The following ENO4 variants were observed in gnomAD, a reference collection of about 807,000 sequenced individuals.
ENO4 encodes enolase 4, also known as 2-phospho-D-glycerate hydro-lyase.
ENO4 carries 53 observed loss-of-function variants against 63.2 expected under a neutral mutation model. The observed-to-expected ratio is 0.84, with a 90% CI of 0.67 to 1.05. The LOEUF (loss-of-function observed/expected upper bound fraction) is 1.05, where lower values mean the gene tolerates loss of function less well. Ranked by LOEUF, ENO4 falls within the 50% of genes least tolerant of loss-of-function variation. The pLI is 0.00. For synonymous variants in ENO4, 266 were observed against 283.8 expected (o/e 0.94, Z 0.63); for missense variants, 719 against 772.0 (o/e 0.93, Z 0.81).
chr10:116,874,129 G>T lies in ENO4; in HGVS notation c.1269G>T (p.Met423Ile). 6.5e-7 allele frequency: 1 copy of T among 1,549,690 alleles called. No homozygotes were observed. The change falls in exon 10 of 14, where the codon ATG (methionine) becomes ATT (isoleucine). Residue 423 changes from methionine (M) to isoleucine (I), a missense_variant. Coordinates refer to ENST00000341276, the MANE Select transcript of ENO4 (RefSeq NM_001242699.2). ...IMGTYKNAAE[M>I]VDLYVDLINK... ...GCACATACAAAAATGCAGCGGAGAT[G>T]GTTGACCTGTATGTGGATCTGATCA... is the stretch of plus-strand genomic sequence containing the variant.
downstream of ENO4, among the ~76,000 whole-genome samples, chr10:116,887,132 A>C (rs1213419551): frequency 6.6e-6 from 1 of 152,222 alleles, no homozygotes; most frequent in Non-Finnish European, 1.5e-5. Flanking sequence ...GGTAGGACCA[A>C]GGGCGGAGAG....
chr10:116,901,944 T>C (rs1388852490), intron 10 of ENO4: 3 of 1,599,992 alleles, frequency 1.9e-6, no homozygotes, highest in Middle Eastern at 1.7e-4. Context: ...AGGTGGCTAA[T>C]ATCCCAGTTG....
At chr10:116,890,164 AATTT>A (rs1196765806) in intron 10 of ENO4, among the ~76,000 whole-genome samples, 2 of 2,398 alleles carry the variant, frequency 8.3e-4, no homozygotes, top group Non-Finnish European at 4.2e-3. Context: ...CATTCTGTTC[AATTT>A]TTTTTTCTAC....
chr10:116,853,632 T>C (rs1846159420), intron 1 of ENO4, among the ~76,000 whole-genome samples: 1 of 152,220 alleles, frequency 6.6e-6, no homozygotes, highest in Non-Finnish European at 1.5e-5. Context: ...CGGCACATTA[T>C]AGGTGCTTGG....
At chr10:116,868,766 CTTTTTATCTTCCA>C in intron 8 of ENO4, 60 bp downstream of exon 8, 1 of 1,420,882 alleles carries the variant, frequency 7.0e-7, no homozygotes, top group African/African-American at 1.4e-5. Flanking sequence ...TTTCCTGCCC[CTTTTTATCTTCCA>C]TAGTCACTTT....
rs959650048 is a variant in ENO4, at chr10:116,871,400, GTTTT to G, written c.1215+112_1215+115del. 3.3e-5 allele frequency: 33 copies of G among 1,015,272 alleles called. No individual in the cohort carries two copies. In the South Asian group the frequency reaches 3.5e-4, roughly 11 times the overall value. The allele number at this position is 1,015,272 out of a possible 1,614,324, so 62.9% of individuals were successfully genotyped here. On this transcript the variant is annotated intron_variant, in intron 9 of 13. Coordinates refer to ENST00000341276, the MANE Select transcript of ENO4 (RefSeq NM_001242699.2). Reference sequence around the variant, plus strand: ...GAATATTGTCCAAACAGATCTTATTGTTTTTTTATTAATATTGTGTGAAGGATCC... The same window carrying G: ...GAATATTGTCCAAACAGATCTTATTGTTTATTAATATTGTGTGAAGGATCC...
intron 1 of ENO4, among the ~76,000 whole-genome samples, chr10:116,853,843 A>G (rs2133243504): frequency 6.6e-6 from 1 of 152,354 alleles, no homozygotes; most frequent in East Asian, 1.9e-4. Flanking sequence ...TGTGGGTATT[A>G]GATGACCTGT....
chr10:116,859,804 T>C (rs1846361888), intron 4 of ENO4, among the ~76,000 whole-genome samples: 1 of 152,074 alleles, frequency 6.6e-6, no homozygotes. Flanking sequence ...TACACCCAAA[T>C]AATGTGGGTT....
At chr10:116,900,414 A>G in intron 10 of ENO4, 1 of 836,782 alleles carries the variant, frequency 1.2e-6, no homozygotes, top group Middle Eastern at 2.2e-4. Context: ...TTCAACACAT[A>G]TTTTGCAGAC....
intron 10 of ENO4, among the ~76,000 whole-genome samples, chr10:116,907,385 A>C (rs1215852742): frequency 1.3e-5 from 2 of 152,206 alleles, no homozygotes; most frequent in African/African-American, 4.8e-5. Flanking sequence ...CTAACACAGG[A>C]GACAGTTAAT....
At chr10:116,891,522 T>C (rs1847342457) in intron 10 of ENO4, among the ~76,000 whole-genome samples, 1 of 152,228 alleles carries the variant, frequency 6.6e-6, no homozygotes, top group South Asian at 2.1e-4. Flanking sequence ...ACAGAAAGAT[T>C]TAAATTTGTC....
intron 4 of ENO4, 113 bp downstream of exon 4, chr10:116,859,251 C>A: frequency 8.1e-7 from 1 of 1,236,592 alleles, no homozygotes; most frequent in Non-Finnish European, 1.1e-6. Flanking sequence ...TTTGGGCTCA[C>A]GGCTAAAAGC....
chr10:116,870,419 A>T (rs1302464131), intron 8 of ENO4, among the ~76,000 whole-genome samples: 1 of 152,122 alleles, frequency 6.6e-6, no homozygotes, highest in East Asian at 1.9e-4. Context: ...GCACTTTGGG[A>T]GTGCTGAGCA....
rs754935679 is a variant in ENO4, at chr10:116,881,526, G to C, written c.1735G>C (p.Glu579Gln). ...VQNGTLGFKE[E>Q]HTFFYFNEEA... ...GTTACTTTAAATAGGTTTCAAAGAAGAACACACTTTTTTTTACTTTAATGA... is the reference window on the plus strand; with the variant it reads ...GTTACTTTAAATAGGTTTCAAAGAACAACACACTTTTTTTTACTTTAATGA... The change falls in exon 14 of 14, where the codon GAA becomes CAA. Residue 579 changes from glutamate (E) to glutamine (Q), a missense_variant. Transcript: ENST00000341276. 14 of 1,542,476 alleles carry C rather than the reference G, an allele frequency of 9.1e-6. No homozygotes were observed. The South Asian group carries it at 1.3e-4, about 15-fold the overall frequency.
Position 116,856,640 on chromosome 10 carries a change from G to T in ENO4, c.443G>T (p.Gly148Val), listed in dbSNP as rs1846267434. Residue 148 changes from glycine to valine, a missense_variant, in exon 3 of 14, where the codon GGG becomes GTG. Transcript: ENST00000341276. ...VNSTITHELQ[G>V]MAPSDQAEVD... is the part of the protein sequence containing the mutation. ...AGCACCATCACGCACGAGCTCCAGG[G>T]GATGGCACCCTCTGACCAGGCAGAG... The T allele has an allele frequency of 3.9e-6, 6 of 1,535,576 alleles. No individual in the cohort carries two copies. Among genetic ancestry groups the T allele is most frequent in the Non-Finnish European group, 5.2e-6 (6 of 1,146,722 alleles).
At position 116,856,595 on chromosome 10, in the gene ENO4, C is replaced by T; in HGVS notation, c.398C>T (p.Thr133Ile). The change falls in exon 3 of 14, where the codon ACC (threonine) becomes ATC (isoleucine). Residue 133 changes from threonine to isoleucine, a missense_variant. Physicochemically the swap from Thr to Ile is moderately conservative, Grantham distance 89. Around this residue, in one of 3 missense-constraint regions of ENO4, gnomAD observed 544 missense variants for 583.6 expected, o/e 0.93. Transcript: ENST00000341276. ...GCAGAGAGGGCCAGCGCGGTGAGCA[C>T]CGCCGTGCAGTGGGTCAACAGCACC... ...EEAERASAVS[T>I]AVQWVNSTIT... The T allele has an allele frequency of 6.5e-7, 1 of 1,536,190 alleles. No homozygotes were observed. Among genetic ancestry groups the T allele is most frequent in the Non-Finnish European group, 8.7e-7 (1 of 1,146,930 alleles).
At chr10:116,876,441 A>C (rs528736412) in intron 11 of ENO4, among the ~76,000 whole-genome samples, 181 bp downstream of exon 11, 1 of 152,228 alleles carries the variant, frequency 6.6e-6, no homozygotes, top group African/African-American at 2.4e-5. Flanking sequence ...TCCCTTCACT[A>C]CGTTCCACTA....
chr10:116,907,268 G>A (rs1564870124), intron 10 of ENO4, among the ~76,000 whole-genome samples: 1 of 152,234 alleles, frequency 6.6e-6, no homozygotes, highest in East Asian at 1.9e-4. Context: ...CTCTCCAGGG[G>A]CCGACCCAAA....
chr10:116,886,415 C>T (rs1250110382), downstream of ENO4: 1 of 1,599,536 alleles, frequency 6.3e-7, no homozygotes, highest in Non-Finnish European at 8.5e-7. Flanking sequence ...TGAATTTCGC[C>T]TTCATCCTCC....
Sources: allele counts gnomAD v4.1 joint callset (sites outside exome capture counted in the v4.1 genomes callset), GRCh38; gene constraint gnomAD v4.1.1; regional missense constraint gnomAD v4.1.1; transcripts MANE v1.5; gene names NCBI Gene and HGNC (gene_info 2026-07-23, HGNC 2026-07-21).